Variants in LRRC75A observed in about 807,000 individuals in gnomAD.
LRRC75A encodes the protein leucine rich repeat containing 75A.
In LRRC75A, 12 loss-of-function variants were observed where a neutral mutation model predicts 26.0. The observed-to-expected ratio is 0.46, with a 90% CI of 0.30 to 0.75. The LOEUF (loss-of-function observed/expected upper bound fraction) is 0.75. Ranked by LOEUF, LRRC75A falls within the 30% of genes least tolerant of loss-of-function variation. LRRC75A has a pLI of 0.08. For synonymous variants in LRRC75A, 223 were observed against 219.3 expected, an observed-to-expected ratio of 1.02 and a Z score of -0.15; for missense variants, 410 against 486.6, an observed-to-expected ratio of 0.84 and a Z score of 1.48.
chr17:16,456,070 AGAGGAAGAGGGAGAG>A (rs2093674649), intron 2 of LRRC75A, among the ~76,000 whole-genome samples: 1 of 132,478 alleles, frequency 7.5e-6, no homozygotes, highest in African/African-American at 2.8e-5. Context: ...AGAAGGAGGA[AGAGGAAGAGGGAGAG>A]GAGGAGGAGG....
In LRRC75A at chr17:16,442,629, A is replaced by G. The variant is rs1350066049; in HGVS notation, c.*959T>C. 1 of 152,262 alleles carries G rather than the reference A, an allele frequency of 6.6e-6. No individual in the cohort carries two copies. The highest frequency in any genetic ancestry group is 3.4e-3 in the Middle Eastern group (1 of 294). 9.4% of individuals were successfully genotyped at this position (152,262 alleles called of 1,614,324 possible). On this transcript the variant is annotated 3_prime_UTR_variant, in exon 4 of 4. Coordinates refer to ENST00000470794, the MANE Select transcript of LRRC75A (RefSeq NM_001113567.3). ...ATCTGCCAAGGGATTGGACTCCTTCATTGTCCTAGGTTTTTAAGGTTTTAA... is the reference window on the plus strand; with the variant it reads ...ATCTGCCAAGGGATTGGACTCCTTCGTTGTCCTAGGTTTTTAAGGTTTTAA...
intron 2 of LRRC75A, among the ~76,000 whole-genome samples, chr17:16,453,296 A>G (rs1415332307): frequency 9.2e-6 from 1 of 108,798 alleles, no homozygotes; most frequent in East Asian, 2.0e-4. Context: ...TGGGACTCCT[A>G]AACACACACA....
At chr17:16,460,138 C>T (rs953627352) in intron 2 of LRRC75A, among the ~76,000 whole-genome samples, 3 of 152,134 alleles carry the variant, frequency 2.0e-5, no homozygotes, top group African/African-American at 7.2e-5. Context: ...CATGTGAGGA[C>T]ACAGGAAGGT....
chr17:16,478,257 G>A (rs1434541745), intron 1 of LRRC75A, among the ~76,000 whole-genome samples: 3 of 148,534 alleles, frequency 2.0e-5, no homozygotes, highest in Admixed American at 6.8e-5. Context: ...GCGTCATCTC[G>A]GCTCACTGCA....
rs139660566 is a variant in LRRC75A, at chr17:16,452,498, C to T, written c.376-4538G>A. Among the ~76,000 whole-genome samples, 1,033 of 151,374 alleles carry T rather than the reference C, an allele frequency of 6.8e-3. 3 individuals carry two copies. Among genetic ancestry groups the T allele is most frequent in the Non-Finnish European group, 9.6e-3 (652 of 67,874 alleles). On this transcript the variant is annotated intron_variant, in intron 2 of 3. Transcript: ENST00000470794. ...TGTTGCCCAGGCTGGAGTGCAGTGGCGCGGTCTTGGCTCACTGCAACCTCC... is the reference window on the plus strand; with the variant it reads ...TGTTGCCCAGGCTGGAGTGCAGTGGTGCGGTCTTGGCTCACTGCAACCTCC...
At chr17:16,473,387 T>C (rs563740559) in intron 1 of LRRC75A, among the ~76,000 whole-genome samples, 6 of 152,162 alleles carry the variant, frequency 3.9e-5, no homozygotes, top group South Asian at 2.1e-4. Flanking sequence ...GGAACCCTGT[T>C]TGAAGGTGAG....
intron 2 of LRRC75A, among the ~76,000 whole-genome samples, chr17:16,459,746 GGAT>G (rs1350324497): frequency 1.1e-4 from 16 of 152,186 alleles, no homozygotes; most frequent in Non-Finnish European, 1.9e-4. Flanking sequence ...GCTCTGACCA[GGAT>G]GTCCTGGTCA....
intron 1 of LRRC75A, among the ~76,000 whole-genome samples, chr17:16,474,670 G>A (rs1011167321): frequency 6.6e-6 from 1 of 152,090 alleles, no homozygotes; most frequent in African/African-American, 2.4e-5. Flanking sequence ...CCTCTCTGCA[G>A]TACATTCTGC....
chr17:16,489,869 C>T (rs1368796223), intron 1 of LRRC75A, among the ~76,000 whole-genome samples: 2 of 151,782 alleles, frequency 1.3e-5, no homozygotes, highest in Admixed American at 1.3e-4. Flanking sequence ...CCCCCTCCCA[C>T]CCCCCCATCA....
intron 1 of LRRC75A, among the ~76,000 whole-genome samples, chr17:16,483,665 G>A (rs2093839699): frequency 6.6e-6 from 1 of 152,210 alleles, no homozygotes; most frequent in African/African-American, 2.4e-5. Context: ...CCAAAGAAGG[G>A]AAAGGGCTGG....
Position 16,444,017 on chromosome 17 carries a change from C to G in LRRC75A, c.606G>C (p.Glu202Asp). 1 of 1,613,886 alleles carries G rather than the reference C, an allele frequency of 6.2e-7. No homozygotes were observed. The highest frequency in any genetic ancestry group is 1.1e-5 in the South Asian group (1 of 91,064). Residue 202 changes from glutamate to aspartate, a missense_variant, in exon 4 of 4, where the codon GAG (glutamate) becomes GAC (aspartate). By Grantham distance (45) the Glu-to-Asp change is conservative. Coordinates refer to ENST00000470794, the MANE Select transcript of LRRC75A (RefSeq NM_001113567.3). ...RVTSYLQRCGEQVDSVELGFT... is the reference protein window; with the variant it reads ...RVTSYLQRCGDQVDSVELGFT... Reference sequence around the variant, plus strand: ...AGCCCAGCTCCACGCTGTCTACCTGCTCCCCACAGCGCTGTAGGTAGCTGG... The same window carrying G: ...AGCCCAGCTCCACGCTGTCTACCTGGTCCCCACAGCGCTGTAGGTAGCTGG...
chr17:16,476,881 G>A (rs1419859932), intron 1 of LRRC75A, among the ~76,000 whole-genome samples: 2 of 151,840 alleles, frequency 1.3e-5, no homozygotes, highest in African/African-American at 2.4e-5. Flanking sequence ...TGGGACCACA[G>A]GCGCCCACCA....
intron 3 of LRRC75A, among the ~76,000 whole-genome samples, chr17:16,445,134 C>G (rs1253882161): frequency 6.8e-6 from 1 of 147,228 alleles, no homozygotes; most frequent in Non-Finnish European, 1.5e-5. Flanking sequence ...CAGGCATGAG[C>G]CAACACGCCT....
chr17:16,488,973 AG>A (rs2093852156), intron 1 of LRRC75A, among the ~76,000 whole-genome samples: 2 of 152,206 alleles, frequency 1.3e-5, no homozygotes, highest in African/African-American at 2.4e-5. Context: ...AAGTCACAGC[AG>A]GGAGAAGGGT....
rs1344776619 is a variant in LRRC75A at position 16,453,065 on chromosome 17, C to T, written c.376-5105G>A. ...CAGCACTTTGGGAGGCCGAGGCAGG[C>T]GGATCACAAGGTCAGGAGTTCGACA... On this transcript the variant is annotated intron_variant, in intron 2 of 3. Transcript: ENST00000470794. 3.9e-5 allele frequency among the ~76,000 whole-genome samples: 6 copies of T among 152,106 alleles called. No individual in the cohort carries two copies. The East Asian group carries it at 7.8e-4, about 20-fold the overall frequency.
intron 1 of LRRC75A, among the ~76,000 whole-genome samples, chr17:16,469,848 G>A (rs975555297): frequency 6.6e-6 from 1 of 152,206 alleles, no homozygotes; most frequent in African/African-American, 2.4e-5. Flanking sequence ...ACAGAGGCAT[G>A]GGAGAGGATG....
intron 1 of LRRC75A, among the ~76,000 whole-genome samples, chr17:16,475,354 G>C (rs2143370236): frequency 1.3e-5 from 2 of 152,240 alleles, no homozygotes; most frequent in Middle Eastern, 3.4e-3. Context: ...TTATTTTAAG[G>C]AATTGGCTCA....
chr17:16,454,157 G>A lies in LRRC75A; in HGVS notation c.376-6197C>T, dbSNP rs142975560. Among the ~76,000 whole-genome samples the A allele has an allele frequency of 3.4e-3, 520 of 152,254 alleles. 4 individuals are homozygous for A. Among genetic ancestry groups the A allele is most frequent in the African/African-American group, 0.011 (468 of 41,542 alleles). ...TGTAATCCCAGCACTTTGGGAGGCC[G>A]AGGTGGGTGGATCACCTGAGGTCAG... On this transcript the variant is annotated intron_variant, in intron 2 of 3. Transcript: ENST00000470794.
intron 2 of LRRC75A, among the ~76,000 whole-genome samples, chr17:16,454,775 G>A (rs2093663130): frequency 6.6e-6 from 1 of 151,974 alleles, no homozygotes; most frequent in Admixed American, 6.6e-5. Flanking sequence ...TTTCCCTGGG[G>A]TTTGGGGTCT....
Sources: allele counts gnomAD v4.1 joint callset (sites outside exome capture counted in the v4.1 genomes callset), GRCh38; gene constraint gnomAD v4.1.1; transcripts MANE v1.5; gene names NCBI Gene and HGNC (gene_info 2026-07-23, HGNC 2026-07-21).